Variants in CAMTA1 observed in about 807,000 individuals in gnomAD.
The protein encoded by CAMTA1 is calmodulin-binding transcription activator 1.
CAMTA1 carries 27 observed loss-of-function variants against 170.9 expected under a neutral mutation model. The ratio of observed to expected loss-of-function variants is 0.16; its 90% CI spans 0.12 to 0.22. The LOEUF (loss-of-function observed/expected upper bound fraction) is 0.22. Among genes scored for constraint, CAMTA1 ranks in the 10% least tolerant of loss-of-function variants. The pLI is 1.00. For synonymous variants in CAMTA1, 833 were observed against 891.5 expected (o/e 0.93, Z 1.17); for missense variants, 1,619 against 2,217.2 (o/e 0.73, Z 5.42).
intron 19 of CAMTA1, 159 bp from the exon 20 acceptor site, chr1:7,751,040 A>T: frequency 5.4e-6 from 4 of 746,672 alleles, no homozygotes; most frequent in Non-Finnish European, 9.6e-6. Context: ...AGGTGTAAAG[A>T]TTCCTCATTT....
In CAMTA1 at chr1:6,856,345, T is replaced by C. The variant is rs577690044; in HGVS notation, c.234+31135T>C. Among the ~76,000 whole-genome samples, 122 of 151,730 alleles carry C rather than the reference T, an allele frequency of 8.0e-4. 1 individual carries two copies. The highest frequency in any genetic ancestry group is 2.9e-3 in the African/African-American group (119 of 41,370). ...TCCCCCTGCCGCTTTTTTTTTTTTT[T>C]GGTATTCATTCAGCATTTATTTAAT... On this transcript the variant is annotated intron_variant, in intron 3 of 22. Transcript: ENST00000303635.
chr1:7,348,403 C>T (rs1010329246), intron 5 of CAMTA1, among the ~76,000 whole-genome samples: 2 of 152,214 alleles, frequency 1.3e-5, no homozygotes, highest in Non-Finnish European at 2.9e-5. Flanking sequence ...GATGACACCC[C>T]GCCAGGCCAA....
chr1:7,391,888 G>T (rs551182109), intron 5 of CAMTA1, among the ~76,000 whole-genome samples: 2 of 152,094 alleles, frequency 1.3e-5, no homozygotes, highest in Non-Finnish European at 2.9e-5. Flanking sequence ...TGGATATACA[G>T]CAATTTGTTT....
chr1:6,871,591 A>T (rs973627302), intron 3 of CAMTA1, among the ~76,000 whole-genome samples: 3 of 152,098 alleles, frequency 2.0e-5, no homozygotes, highest in Admixed American at 6.6e-5. Context: ...ATTAAAAAAA[A>T]ATTGTTGGTA....
At chr1:7,726,765 T>C (rs979628200) in intron 11 of CAMTA1, among the ~76,000 whole-genome samples, 2 of 152,184 alleles carry the variant, frequency 1.3e-5, no homozygotes, top group Admixed American at 6.5e-5. Flanking sequence ...GCGACGGATA[T>C]AGCCTAATAT....
chr1:7,111,068 T>C (rs981848512), intron 4 of CAMTA1, among the ~76,000 whole-genome samples: 1 of 152,232 alleles, frequency 6.6e-6, no homozygotes, highest in South Asian at 2.1e-4. Context: ...ATTCTTTGGC[T>C]CTGGGTCCCT....
chr1:7,140,854 C>T (rs1358900921), intron 4 of CAMTA1, among the ~76,000 whole-genome samples: 3 of 152,064 alleles, frequency 2.0e-5, no homozygotes, highest in South Asian at 2.1e-4. Flanking sequence ...GGAGACCATC[C>T]AGCTGTAAAA....
At chr1:7,449,508 C>T (rs2092761915) in intron 5 of CAMTA1, among the ~76,000 whole-genome samples, 1 of 152,072 alleles carries the variant, frequency 6.6e-6, no homozygotes. Flanking sequence ...AGTGGCCCAG[C>T]CCTATAATCC....
chr1:7,535,460 G>T (rs541981895), intron 6 of CAMTA1, among the ~76,000 whole-genome samples: 1 of 152,302 alleles, frequency 6.6e-6, no homozygotes, highest in Admixed American at 6.5e-5. Flanking sequence ...TGGTCCTAAA[G>T]TAAAACTTGG....
At chr1:7,512,203 A>G (rs1053477582) in intron 6 of CAMTA1, among the ~76,000 whole-genome samples, 18 of 152,220 alleles carry the variant, frequency 1.2e-4, no homozygotes, top group African/African-American at 4.3e-4. Flanking sequence ...TGTCTGGAAT[A>G]TGCCAAAGAT....
intron 3 of CAMTA1, among the ~76,000 whole-genome samples, chr1:6,896,382 G>A (rs1675673039): frequency 6.6e-6 from 1 of 152,166 alleles, no homozygotes; most frequent in Non-Finnish European, 1.5e-5. Context: ...TGCCTTTGCT[G>A]AAGACTGAAT....
chr1:7,750,973 GA>G (rs141739870), intron 19 of CAMTA1: 3 of 676,938 alleles, frequency 4.4e-6, no homozygotes, highest in Admixed American at 2.1e-5. Context: ...ATATTTTAGG[GA>G]AAAAATATAT....
intron 5 of CAMTA1, among the ~76,000 whole-genome samples, chr1:7,364,675 G>A (rs2085826526): frequency 6.6e-6 from 1 of 152,178 alleles, no homozygotes; most frequent in South Asian, 2.1e-4. Flanking sequence ...GATGTCGAAG[G>A]TGAGAGGTAG....
Position 7,004,477 on chromosome 1 carries a change from A to T in CAMTA1, c.235-86827A>T, listed in dbSNP as rs576246329. Among the ~76,000 whole-genome samples, 6 of 152,286 alleles carry T rather than the reference A, an allele frequency of 3.9e-5. No homozygotes were observed. In the East Asian group the frequency reaches 9.7e-4, roughly 25 times the overall value. ...CCCATTTTATTGCTAGAATGTTCTC[A>T]TAATCCCACGGAGCCTTCAGAACTA... On this transcript the variant is annotated intron_variant, in intron 3 of 22. Coordinates refer to ENST00000303635, the MANE Select transcript of CAMTA1 (RefSeq NM_015215.4).
intron 6 of CAMTA1, among the ~76,000 whole-genome samples, chr1:7,630,235 G>T (rs2095660159): frequency 6.6e-6 from 1 of 152,156 alleles, no homozygotes; most frequent in Admixed American, 6.5e-5. Context: ...CTGTTTCAGA[G>T]GCCTCTGGAA....
chr1:7,490,556 G>A lies in CAMTA1; in HGVS notation c.510+22655G>A, dbSNP rs372815041. On this transcript the variant is annotated intron_variant, in intron 6 of 22. Transcript: ENST00000303635. ...AATCCTAGCTACTCGGGAGGCTGAGGCCGGAGAATCGCTTGAACCCAGGAG... is the reference window on the plus strand; with the variant it reads ...AATCCTAGCTACTCGGGAGGCTGAGACCGGAGAATCGCTTGAACCCAGGAG... 1.4e-4 allele frequency among the ~76,000 whole-genome samples: 22 copies of A among 152,290 alleles called. No homozygotes were observed. In the South Asian group the frequency reaches 4.1e-3, roughly 29 times the overall value.
At chr1:7,462,541 C>T (rs373839062) in intron 5 of CAMTA1, among the ~76,000 whole-genome samples, 52 of 152,336 alleles carry the variant, frequency 3.4e-4, no homozygotes, top group East Asian at 2.5e-3. Context: ...AGGCAGGAAC[C>T]ACCACACCCG....
rs559372419 is a variant in CAMTA1, at chr1:6,823,046, C to T, written c.116-2046C>T. 1.3e-4 allele frequency among the ~76,000 whole-genome samples: 20 copies of T among 152,162 alleles called. No homozygotes were observed. The South Asian group carries it at 1.5e-3, about 11-fold the overall frequency. On this transcript the variant is annotated intron_variant, in intron 2 of 22. Coordinates refer to ENST00000303635, the MANE Select transcript of CAMTA1 (RefSeq NM_015215.4). The stretch of plus-strand genomic sequence containing the variant: ...AGAGCAAGCCCATCCATTGAGCAAC[C>T]AGTATAGTGCCGTTTTCATAAAAGG...
At chr1:7,237,591 C>G (rs1224010525) in intron 4 of CAMTA1, among the ~76,000 whole-genome samples, 1 of 152,176 alleles carries the variant, frequency 6.6e-6, no homozygotes, top group Non-Finnish European at 1.5e-5. Flanking sequence ...GATTCAATCC[C>G]CAGTTGCTCC....
Sources: allele counts gnomAD v4.1 joint callset (sites outside exome capture counted in the v4.1 genomes callset), GRCh38; gene constraint gnomAD v4.1.1; transcripts MANE v1.5; gene names NCBI Gene and HGNC (gene_info 2026-07-23, HGNC 2026-07-21).